Variants in CLNK observed in about 807,000 individuals in gnomAD.
CLNK encodes the protein cytokine dependent hematopoietic cell linker.
In CLNK, 74 loss-of-function variants were observed where a neutral mutation model predicts 68.6. The ratio of observed to expected loss-of-function variants is 1.08; its 90% CI spans 0.89 to 1.31. CLNK has a LOEUF of 1.31. Among genes scored for constraint, CLNK ranks in the 50% most tolerant of loss-of-function variants. The probability of loss-of-function intolerance (pLI) is 0.00; values close to 1 mark genes in which losing one functional copy is unlikely to be tolerated. For missense variants in CLNK, 553 were observed against 515.3 expected, an observed-to-expected ratio of 1.07 and a Z score of -0.71; for synonymous variants, 198 against 172.2, an observed-to-expected ratio of 1.15 and a Z score of -1.17.
intron 2 of CLNK, among the ~76,000 whole-genome samples, chr4:10,662,170 C>T (rs777674339): frequency 7.2e-5 from 11 of 152,074 alleles, no homozygotes; most frequent in Non-Finnish European, 1.0e-4. Context: ...ATCACAACAC[C>T]GTCTGCTCTA....
chr4:10,584,906 T>C (rs6846414), intron 4 of CLNK, 21 bp downstream of exon 4: 230,497 of 1,611,752 alleles, frequency 0.14, 17,778 homozygotes, highest in African/African-American at 0.26. Flanking sequence ...ACCACTTAGG[T>C]GACAGAGAGC....
intron 2 of CLNK, among the ~76,000 whole-genome samples, chr4:10,655,340 G>C (rs927407931): frequency 3.9e-5 from 2 of 51,106 alleles, no homozygotes; most frequent in Non-Finnish European, 1.2e-4. Context: ...AAGACAGAGA[G>C]AGAGAGAGAG....
Position 10,599,249 on chromosome 4 carries a change from C to CA in CLNK, c.12-1201dup, listed in dbSNP as rs150382700. ...CTGAGTGGACACTCACACATGTACA[C>CA]AAAAAACTAAAGAACTCCAGGAAAT... On this transcript the variant is annotated intron_variant, in intron 2 of 18. Coordinates refer to ENST00000226951, the MANE Select transcript of CLNK (RefSeq NM_052964.4). 4.4e-3 allele frequency among the ~76,000 whole-genome samples: 665 copies of CA among 152,234 alleles called. 25 individuals carry two copies. The East Asian group carries it at 0.092, about 21-fold the overall frequency.
intron 8 of CLNK, among the ~76,000 whole-genome samples, chr4:10,553,152 A>T (rs777013919): frequency 6.6e-6 from 1 of 152,214 alleles, no homozygotes; most frequent in Non-Finnish European, 1.5e-5. Context: ...TGGATCATTT[A>T]TAACACCCGA....
intron 4 of CLNK, among the ~76,000 whole-genome samples, chr4:10,583,573 C>A (rs1720866521): frequency 6.6e-6 from 1 of 152,188 alleles, no homozygotes; most frequent in African/African-American, 2.4e-5. Context: ...GTGTGAGTCA[C>A]CGTGCCTGGT....
At chr4:10,565,400 C>G (rs1690960562) in intron 6 of CLNK, among the ~76,000 whole-genome samples, 1 of 152,148 alleles carries the variant, frequency 6.6e-6, no homozygotes, top group South Asian at 2.1e-4. Flanking sequence ...TTCCTCTTTC[C>G]CCTTACAATA....
At chr4:10,574,435 C>T (rs1016792085) in intron 4 of CLNK, among the ~76,000 whole-genome samples, 9 of 152,152 alleles carry the variant, frequency 5.9e-5, no homozygotes, top group Admixed American at 2.6e-4. Flanking sequence ...TCTGATCAGC[C>T]TCCATATCTC....
intron 1 of CLNK, among the ~76,000 whole-genome samples, chr4:10,672,778 G>A (rs930630490): frequency 7.2e-5 from 11 of 152,218 alleles, no homozygotes; most frequent in Admixed American, 4.6e-4. Context: ...GGAGGCAGAA[G>A]GGAGTGGACT....
chr4:10,554,818 A>G (rs1237266735), intron 8 of CLNK, among the ~76,000 whole-genome samples: 2 of 152,192 alleles, frequency 1.3e-5, no homozygotes, highest in Non-Finnish European at 2.9e-5. Flanking sequence ...GCCACTAGGG[A>G]GCAGTATCAT....
At chr4:10,651,980 C>A (rs1474312503) in intron 2 of CLNK, among the ~76,000 whole-genome samples, 8 of 147,450 alleles carry the variant, frequency 5.4e-5, no homozygotes, top group African/African-American at 7.5e-5. Context: ...AACAGGAGAT[C>A]AAAAAAAAAG....
intron 16 of CLNK, among the ~76,000 whole-genome samples, chr4:10,509,914 T>A (rs1717498881): frequency 6.6e-6 from 1 of 152,044 alleles, no homozygotes; most frequent in Non-Finnish European, 1.5e-5. Context: ...TCTGCCTCAC[T>A]CCAGCAAAGC....
intron 2 of CLNK, among the ~76,000 whole-genome samples, chr4:10,626,830 A>G (rs958954285): frequency 6.6e-6 from 1 of 152,194 alleles, no homozygotes; most frequent in Non-Finnish European, 1.5e-5. Context: ...GTGTCATGCC[A>G]CGTGCTTTAT....
intron 2 of CLNK, among the ~76,000 whole-genome samples, chr4:10,662,137 C>T (rs1724216715): frequency 6.6e-6 from 1 of 152,128 alleles, no homozygotes; most frequent in Non-Finnish European, 1.5e-5. Flanking sequence ...ATGCAGCATA[C>T]ACAGTGTTGT....
At chr4:10,635,617 T>C (rs1343472651) in intron 2 of CLNK, among the ~76,000 whole-genome samples, 9 of 152,316 alleles carry the variant, frequency 5.9e-5, no homozygotes, top group African/African-American at 2.2e-4. Context: ...CCTGCTGATG[T>C]CCTTTAAATC....
intron 1 of CLNK, among the ~76,000 whole-genome samples, chr4:10,684,171 C>T (rs1336800292): frequency 2.6e-5 from 4 of 152,132 alleles, no homozygotes; most frequent in Non-Finnish European, 5.9e-5. Context: ...AGGATGTCTG[C>T]GTGATTCCAA....
intron 1 of CLNK, among the ~76,000 whole-genome samples, chr4:10,681,942 C>A (rs1725107796): frequency 6.6e-6 from 1 of 152,176 alleles, no homozygotes; most frequent in Non-Finnish European, 1.5e-5. Context: ...ATGAGCGTTT[C>A]TTGTCTATCA....
chr4:10,686,452 C>T (rs1448630462), upstream of CLNK, among the ~76,000 whole-genome samples: 2 of 151,640 alleles, frequency 1.3e-5, no homozygotes, highest in East Asian at 1.9e-4. Flanking sequence ...AAGATTATCA[C>T]ACTCATGAAT....
the CLNK span, among the ~76,000 whole-genome samples, chr4:10,710,118 T>C: frequency 0.028 from 4,324 of 152,302 alleles, 91 homozygotes; most frequent in East Asian, 0.1. Flanking sequence ...GAAAGGGGGT[T>C]CTGTTAATAA....
intron 12 of CLNK, among the ~76,000 whole-genome samples, chr4:10,529,468 A>T (rs1718451624): frequency 6.6e-6 from 1 of 152,214 alleles, no homozygotes; most frequent in South Asian, 2.1e-4. Context: ...TTTGGCAACA[A>T]ATTGCTTAGA....
Sources: gnomAD v4.1 joint callset for allele counts (sites outside exome capture counted in the v4.1 genomes callset) on GRCh38, gnomAD v4.1.1 for gene constraint, MANE v1.5 for transcripts, NCBI Gene and HGNC (gene_info 2026-07-23, HGNC 2026-07-21) for gene names.